Variants in TLK2 observed in about 807,000 individuals in gnomAD.
The protein encoded by TLK2 is tousled like kinase 2, also known as serine/threonine-protein kinase tousled-like 2.
In TLK2, 6 loss-of-function variants were observed where a neutral mutation model predicts 117.3. That is an observed-to-expected ratio of 0.05 (90% CI 0.03 to 0.10). The LOEUF (loss-of-function observed/expected upper bound fraction) is 0.10, where lower values mean the gene tolerates loss of function less well. Among genes scored for constraint, TLK2 ranks in the 10% least tolerant of loss-of-function variants. The pLI is 1.00. For missense variants in TLK2, 299 were observed against 901.2 expected (o/e 0.33, Z 8.56); for synonymous variants, 257 against 316.7 (o/e 0.81, Z 2.00).
At chr17:62,592,952 C>T (rs1246148447) in intron 16 of TLK2, among the ~76,000 whole-genome samples, 1 of 152,156 alleles carries the variant, frequency 6.6e-6, no homozygotes, top group Non-Finnish European at 1.5e-5. Flanking sequence ...AGGGTTTGCA[C>T]TCCTATGAGA....
intron 2 of TLK2, among the ~76,000 whole-genome samples, chr17:62,481,503 T>C (rs928910542): frequency 4.6e-5 from 7 of 152,238 alleles, no homozygotes; most frequent in African/African-American, 1.7e-4. Flanking sequence ...CTATGCCATA[T>C]TTTGTTAAAA....
intron 2 of TLK2, among the ~76,000 whole-genome samples, chr17:62,488,820 ATTTT>A (rs36026309): frequency 2.0e-5 from 2 of 99,762 alleles, no homozygotes; most frequent in Non-Finnish European, 1.9e-5. Flanking sequence ...GGCCTTGAAG[ATTTT>A]TTTTTTTTTT....
intron 2 of TLK2, among the ~76,000 whole-genome samples, chr17:62,498,548 C>T (rs1318706031): frequency 1.3e-5 from 2 of 151,996 alleles, no homozygotes; most frequent in Non-Finnish European, 2.9e-5. Flanking sequence ...CGCCACCACA[C>T]CCAGCTAATT....
At chr17:62,497,644 A>G (rs886342502) in intron 2 of TLK2, among the ~76,000 whole-genome samples, 2 of 152,212 alleles carry the variant, frequency 1.3e-5, no homozygotes, top group African/African-American at 2.4e-5. Context: ...CCTTTCATCT[A>G]TTAGGAGTTG....
rs1301524893 is a variant in TLK2 at position 62,612,568 on chromosome 17, C to G, written c.*3C>G. ...CCAATAACAGTTCTTCTAATTGAGA[C>G]TGACTCCAAGGCCACAAACTGTTCA... On this transcript the variant is annotated 3_prime_UTR_variant, in exon 22 of 22. Transcript: ENST00000346027. 1.2e-6 allele frequency: 2 copies of G among 1,609,502 alleles called. No homozygotes were observed. The highest frequency in any genetic ancestry group is 1.7e-6 in the Non-Finnish European group (2 of 1,177,310).
chr17:62,490,161 C>T (rs1349563134), intron 2 of TLK2, among the ~76,000 whole-genome samples: 1 of 152,240 alleles, frequency 6.6e-6, no homozygotes, highest in African/African-American at 2.4e-5. Flanking sequence ...GTTATCTTGT[C>T]ATATATTGCT....
At chr17:62,547,055 AT>A (rs1389341116) in intron 7 of TLK2, among the ~76,000 whole-genome samples, 1 of 151,840 alleles carries the variant, frequency 6.6e-6, no homozygotes, top group Admixed American at 6.6e-5. Context: ...AACCTATTTT[AT>A]TTTTTTCATC....
chr17:62,486,243 G>C (rs2072363769), intron 2 of TLK2, among the ~76,000 whole-genome samples: 1 of 151,982 alleles, frequency 6.6e-6, no homozygotes, highest in African/African-American at 2.4e-5. Context: ...TGCAGCCTCT[G>C]CCTCCCAGGT....
chr17:62,484,633 C>T (rs1331637387), intron 2 of TLK2, among the ~76,000 whole-genome samples: 1 of 152,082 alleles, frequency 6.6e-6, no homozygotes, highest in Non-Finnish European at 1.5e-5. Flanking sequence ...GACATCGTAC[C>T]TCTCAGACTA....
chr17:62,483,455 T>C (rs2071939778), intron 2 of TLK2, among the ~76,000 whole-genome samples: 1 of 152,232 alleles, frequency 6.6e-6, no homozygotes, highest in Admixed American at 6.5e-5. Flanking sequence ...ATTCTACCTT[T>C]AACATAGAAA....
chr17:62,566,191 T>G (rs2079778154), intron 11 of TLK2, among the ~76,000 whole-genome samples: 1 of 152,198 alleles, frequency 6.6e-6, no homozygotes, highest in Non-Finnish European at 1.5e-5. Context: ...TCTTCTTTTT[T>G]TTTTTAATCT....
At chr17:62,583,770 G>A (rs955086698) in intron 15 of TLK2, among the ~76,000 whole-genome samples, 2 of 151,586 alleles carry the variant, frequency 1.3e-5, no homozygotes, top group African/African-American at 4.8e-5. Flanking sequence ...GTAGAGACGG[G>A]GTTTTACTAT....
At chr17:62,526,380 TTCTTC>T (rs2076368344) in intron 6 of TLK2, among the ~76,000 whole-genome samples, 1 of 152,194 alleles carries the variant, frequency 6.6e-6, no homozygotes, top group Admixed American at 6.5e-5. Flanking sequence ...CCTCCAGCAA[TTCTTC>T]TGCTAACTGA....
Position 62,573,308 on chromosome 17 carries a change from T to C in TLK2, c.1062T>C (p.Pro354=). ...AACCTCCTGCCATGGGTCAGGCCCC[T>C]CCTGCAACCAATGAGCAGAAACAGC... ...KRKPPAMGQA[P]PATNEQKQRK... is the part of the protein sequence containing the mutation. The change falls in exon 12 of 22, where the codon CCT becomes CCC. Residue 354 remains proline (P), a synonymous_variant. Coordinates refer to ENST00000346027, the MANE Select transcript of TLK2 (RefSeq NM_006852.6). The C allele has an allele frequency of 6.2e-7, 1 of 1,614,094 alleles. No homozygotes were observed. Among genetic ancestry groups the C allele is most frequent in the South Asian group, 1.1e-5 (1 of 91,074 alleles).
At chr17:62,525,471 G>A (rs1043898400) in intron 6 of TLK2, among the ~76,000 whole-genome samples, 4 of 141,172 alleles carry the variant, frequency 2.8e-5, no homozygotes. Flanking sequence ...TTTTTTTTGA[G>A]ACAGTCTTGT....
chr17:62,513,473 G>A lies in TLK2; in HGVS notation c.82-7300G>A, dbSNP rs9904151. On this transcript the variant is annotated intron_variant, in intron 2 of 21. Coordinates refer to ENST00000346027, the MANE Select transcript of TLK2 (RefSeq NM_006852.6). ...GCTAGGAGCTAGGACTGCAGACAGT[G>A]CCACCATGGCTGGCTAACTTTTTCA... 3.4e-3 allele frequency among the ~76,000 whole-genome samples: 516 copies of A among 151,756 alleles called. 1 individual carries two copies. The Middle Eastern group carries it at 0.034, about 10-fold the overall frequency.
At chr17:62,560,900 A>G (rs1487608156) in intron 10 of TLK2, among the ~76,000 whole-genome samples, 1 of 152,038 alleles carries the variant, frequency 6.6e-6, no homozygotes, top group East Asian at 1.9e-4. Flanking sequence ...ATATGTATAC[A>G]TGTGCCATAT....
At chr17:62,558,288 G>C (rs141707079) in intron 9 of TLK2, among the ~76,000 whole-genome samples, 63 of 151,958 alleles carry the variant, frequency 4.1e-4, no homozygotes, top group African/African-American at 1.3e-3. Context: ...TCAGCCTCCC[G>C]AACAGCTGGC....
intron 16 of TLK2, among the ~76,000 whole-genome samples, chr17:62,591,729 A>G (rs1450991078): frequency 1.3e-5 from 2 of 152,038 alleles, no homozygotes; most frequent in African/African-American, 4.8e-5. Context: ...CCCTTTCCCC[A>G]CTTCCCCTAA....
Sources: allele counts gnomAD v4.1 joint callset (sites outside exome capture counted in the v4.1 genomes callset), GRCh38; gene constraint gnomAD v4.1.1; transcripts MANE v1.5; gene names NCBI Gene and HGNC (gene_info 2026-07-23, HGNC 2026-07-21).